Variants in SGCZ observed in about 807,000 individuals in gnomAD.
SGCZ encodes the protein sarcoglycan zeta.
A neutral mutation model predicts 41.3 loss-of-function variants in SGCZ; 40 were observed. The ratio of observed to expected loss-of-function variants is 0.97; its 90% CI spans 0.75 to 1.26. The LOEUF is 1.26. Ranked by LOEUF, SGCZ falls within the 50% of genes most tolerant of loss-of-function variation. The probability of loss-of-function intolerance (pLI) is 0.00; values close to 1 mark genes in which losing one functional copy is unlikely to be tolerated. For missense variants in SGCZ, 552 were observed against 369.8 expected (o/e 1.49, Z -4.04); for synonymous variants, 206 against 137.5 (o/e 1.50, Z -3.49).
intron 3 of SGCZ, among the ~76,000 whole-genome samples, chr8:14,241,577 G>A (rs1301572394): frequency 6.7e-6 from 1 of 148,790 alleles, no homozygotes; most frequent in African/African-American, 2.5e-5. Flanking sequence ...TTTATCTTCT[G>A]ATGTAGTTAT....
chr8:14,290,322 G>C (rs1331496599), intron 3 of SGCZ, among the ~76,000 whole-genome samples: 2 of 63,138 alleles, frequency 3.2e-5, no homozygotes, highest in Admixed American at 3.2e-4. Flanking sequence ...GGCAACAAAA[G>C]AAAATATAGA....
chr8:14,616,374 A>G (rs1002422236), intron 1 of SGCZ, among the ~76,000 whole-genome samples: 9 of 152,116 alleles, frequency 5.9e-5, no homozygotes, highest in Non-Finnish European at 8.8e-5. Flanking sequence ...AAAATGATGT[A>G]AAATTTTCTC....
chr8:15,110,145 T>C (rs953336633), intron 1 of SGCZ, among the ~76,000 whole-genome samples: 2 of 152,126 alleles, frequency 1.3e-5, no homozygotes, highest in Non-Finnish European at 2.9e-5. Flanking sequence ...GAATATTAAA[T>C]GGGGTTAAAT....
intron 2 of SGCZ, among the ~76,000 whole-genome samples, chr8:14,370,090 T>G (rs537670169): frequency 6.6e-6 from 1 of 151,942 alleles, no homozygotes; most frequent in African/African-American, 2.4e-5. Flanking sequence ...TCTGTGGATG[T>G]AGTGGTAAGA....
At chr8:14,738,834 G>C (rs768687913) in intron 1 of SGCZ, among the ~76,000 whole-genome samples, 1 of 152,100 alleles carries the variant, frequency 6.6e-6, no homozygotes, top group South Asian at 2.1e-4. Context: ...AGAACGGGCC[G>C]CAGGACAGGG....
At chr8:15,149,170 A>C (rs1799112220) in intron 1 of SGCZ, among the ~76,000 whole-genome samples, 1 of 150,958 alleles carries the variant, frequency 6.6e-6, no homozygotes, top group Non-Finnish European at 1.5e-5. Context: ...AGGAGCCATT[A>C]TTCTTATTTT....
chr8:15,003,414 G>A (rs1802495603), intron 1 of SGCZ, among the ~76,000 whole-genome samples: 1 of 152,084 alleles, frequency 6.6e-6, no homozygotes, highest in Non-Finnish European at 1.5e-5. Context: ...TCCGGAATTG[G>A]CAACCCTTCC....
intron 1 of SGCZ, among the ~76,000 whole-genome samples, chr8:14,988,645 A>T (rs1801906341): frequency 6.6e-6 from 1 of 152,196 alleles, no homozygotes. Flanking sequence ...ATTAAAAAAA[A>T]ACTGTTATTC....
At chr8:14,756,975 G>A (rs182775383) in intron 1 of SGCZ, among the ~76,000 whole-genome samples, 17 of 152,244 alleles carry the variant, frequency 1.1e-4, no homozygotes, top group African/African-American at 4.1e-4. Context: ...TTGAGATCTG[G>A]AATAACCACA....
At chr8:14,413,647 C>T (rs10109761) in intron 2 of SGCZ, among the ~76,000 whole-genome samples, 35,879 of 151,794 alleles carry the variant, frequency 0.24, 4,406 homozygotes, top group Non-Finnish European at 0.29. Context: ...CTTGAAAATG[C>T]TCAACATTTT....
chr8:14,690,359 TCCCAGCAA>T (rs943730081), intron 1 of SGCZ: 6 of 152,028 alleles, frequency 3.9e-5, no homozygotes, highest in Non-Finnish European at 8.8e-5. Flanking sequence ...CTTGCTAGGG[TCCCAGCAA>T]CCCAGCCAGG....
intron 4 of SGCZ, among the ~76,000 whole-genome samples, chr8:14,205,279 A>G (rs1296501514): frequency 6.6e-6 from 1 of 152,052 alleles, no homozygotes; most frequent in Non-Finnish European, 1.5e-5. Context: ...CCCCCTCAAC[A>G]TGCTAACTAG....
chr8:14,768,365 G>T (rs139054872), intron 1 of SGCZ, among the ~76,000 whole-genome samples: 2 of 152,182 alleles, frequency 1.3e-5, no homozygotes, highest in African/African-American at 4.8e-5. Context: ...TCCATGTTGC[G>T]TCCTATAGTG....
chr8:14,726,467 C>T (rs1810060808), intron 1 of SGCZ, among the ~76,000 whole-genome samples: 1 of 150,932 alleles, frequency 6.6e-6, no homozygotes, highest in Non-Finnish European at 1.5e-5. Flanking sequence ...TTAACAAAAG[C>T]TGTTTATATA....
intron 4 of SGCZ, among the ~76,000 whole-genome samples, chr8:14,225,635 A>G (rs572076400): frequency 1.3e-5 from 2 of 152,254 alleles, no homozygotes; most frequent in East Asian, 3.9e-4. Flanking sequence ...CATATATGTG[A>G]TATGCTAAAG....
chr8:14,655,945 T>A (rs1177004894), intron 1 of SGCZ, among the ~76,000 whole-genome samples: 6 of 152,090 alleles, frequency 3.9e-5, no homozygotes, highest in African/African-American at 1.2e-4. Context: ...TTGCTCCTTT[T>A]TATTGCTGAA....
intron 1 of SGCZ, among the ~76,000 whole-genome samples, chr8:14,607,778 T>C (rs2117330541): frequency 6.6e-6 from 1 of 152,308 alleles, no homozygotes; most frequent in Non-Finnish European, 1.5e-5. Flanking sequence ...TGGATAATTA[T>C]GTTAACACTG....
chr8:14,825,577 T>A (rs1390023417), intron 1 of SGCZ, among the ~76,000 whole-genome samples: 1 of 152,212 alleles, frequency 6.6e-6, no homozygotes, highest in Non-Finnish European at 1.5e-5. Flanking sequence ...TATACATGTA[T>A]ACATTGTGTA....
chr8:14,759,254 A>G (rs976403807), intron 1 of SGCZ, among the ~76,000 whole-genome samples: 6 of 152,130 alleles, frequency 3.9e-5, no homozygotes, highest in African/African-American at 1.4e-4. Context: ...CATACCAGAG[A>G]AACTAGGATA....
Sources: allele counts gnomAD v4.1 joint callset (sites outside exome capture counted in the v4.1 genomes callset), GRCh38; gene constraint gnomAD v4.1.1; transcripts MANE v1.5; gene names NCBI Gene and HGNC (gene_info 2026-07-23, HGNC 2026-07-21).